ZNF148: variants seen among roughly 807,000 people sequenced by gnomAD.
ZNF148 encodes zinc finger protein 148, also known as Beta-Enolase Repressor Factor-1.
In ZNF148, 7 loss-of-function variants were observed where a neutral mutation model predicts 67.7. The ratio of observed to expected loss-of-function variants is 0.10; its 90% CI spans 0.06 to 0.19. ZNF148 has a LOEUF of 0.19. Ranked by LOEUF, ZNF148 falls within the 10% of genes least tolerant of loss-of-function variation. ZNF148 has a pLI of 1.00. For missense variants in ZNF148, 583 were observed against 947.1 expected, an observed-to-expected ratio of 0.62 and a Z score of 5.05; for synonymous variants, 333 against 330.7, an observed-to-expected ratio of 1.01 and a Z score of -0.08.
chr3:125,268,930 T>C (rs1459290027), intron 7 of ZNF148, among the ~76,000 whole-genome samples: 1 of 151,954 alleles, frequency 6.6e-6, no homozygotes, highest in East Asian at 1.9e-4. Context: ...TGGGAGAAAA[T>C]ATTCACAAAC....
intron 4 of ZNF148, among the ~76,000 whole-genome samples, chr3:125,311,597 A>G (rs1940217170): frequency 6.6e-6 from 1 of 152,172 alleles, no homozygotes; most frequent in Admixed American, 6.5e-5. Flanking sequence ...AATCAAATGT[A>G]CATCAATTAC....
In ZNF148 at chr3:125,272,655, A is replaced by C. The variant is rs149960895; in HGVS notation, c.667+5071T>G. Reference sequence around the variant, plus strand: ...TATATATTTAATTACACCATACTTTAATTATATACATATATACACACATAT... The same window carrying C: ...TATATATTTAATTACACCATACTTTCATTATATACATATATACACACATAT... On this transcript the variant is annotated intron_variant, in intron 7 of 8. Transcript: ENST00000360647. Among the ~76,000 whole-genome samples, 690 of 152,256 alleles carry C rather than the reference A, an allele frequency of 4.5e-3. 13 individuals are homozygous for C. The East Asian group carries it at 0.047, about 10-fold the overall frequency.
At chr3:125,353,259 C>T (rs975469918) in intron 1 of ZNF148, among the ~76,000 whole-genome samples, 1 of 151,850 alleles carries the variant, frequency 6.6e-6, no homozygotes, top group Non-Finnish European at 1.5e-5. Context: ...AGATAGTAAA[C>T]AGTTTGCCAG....
chr3:125,344,993 C>T (rs763351687), intron 1 of ZNF148, among the ~76,000 whole-genome samples: 1 of 151,970 alleles, frequency 6.6e-6, no homozygotes, highest in Non-Finnish European at 1.5e-5. Flanking sequence ...GTTAAAAGCA[C>T]AAGAATGGAA....
chr3:125,250,154 G>A (rs143614479), intron 7 of ZNF148, among the ~76,000 whole-genome samples: 167 of 152,246 alleles, frequency 1.1e-3, no homozygotes, highest in African/African-American at 3.6e-3. Flanking sequence ...AATCTTAAGC[G>A]TTCTCACCAC....
Position 125,279,059 on chromosome 3 carries a change from C to T in ZNF148, c.583+65G>A, listed in dbSNP as rs138674561. 1.4e-4 allele frequency: 200 copies of T among 1,468,216 alleles called. No individual in the cohort carries two copies. The African/African-American group carries it at 2.2e-3, about 16-fold the overall frequency. 90.9% of individuals were successfully genotyped at this position (1,468,216 alleles called of 1,614,324 possible). On this transcript the variant is annotated intron_variant, in intron 6 of 8. Coordinates refer to ENST00000360647, the MANE Select transcript of ZNF148 (RefSeq NM_021964.3). Reference sequence around the variant, plus strand: ...GTCTTAGGAATGAATGACAGTTACACGAAGATGAAAATAACAAAGATAATA... The same window carrying T: ...GTCTTAGGAATGAATGACAGTTACATGAAGATGAAAATAACAAAGATAATA...
At chr3:125,268,627 C>T (rs896067416) in intron 7 of ZNF148, among the ~76,000 whole-genome samples, 1 of 152,138 alleles carries the variant, frequency 6.6e-6, no homozygotes, top group African/African-American at 2.4e-5. Context: ...AGGAAATACC[C>T]TTCCAGACAT....
chr3:125,339,189 C>G (rs773107326), intron 1 of ZNF148, among the ~76,000 whole-genome samples: 9 of 152,108 alleles, frequency 5.9e-5, no homozygotes, highest in African/African-American at 1.4e-4. Flanking sequence ...GAAACACTAG[C>G]TTCTATTAAT....
At chr3:125,342,170 T>C (rs1276157456) in intron 1 of ZNF148, among the ~76,000 whole-genome samples, 2 of 150,380 alleles carry the variant, frequency 1.3e-5, no homozygotes, top group African/African-American at 2.4e-5. Context: ...CAAAGTTTCA[T>C]AAAGAAGGAA....
At chr3:125,293,071 T>A (rs1939099382) in intron 4 of ZNF148, among the ~76,000 whole-genome samples, 1 of 152,218 alleles carries the variant, frequency 6.6e-6, no homozygotes, top group Non-Finnish European at 1.5e-5. Flanking sequence ...GTAGTAAGTT[T>A]TATTGTGACA....
chr3:125,289,272 A>T (rs1938876163), intron 4 of ZNF148, among the ~76,000 whole-genome samples: 1 of 152,232 alleles, frequency 6.6e-6, no homozygotes. Flanking sequence ...GTAAAGGTGG[A>T]AAACAGCTAT....
intron 4 of ZNF148, among the ~76,000 whole-genome samples, chr3:125,306,078 T>C (rs915544980): frequency 1.3e-5 from 2 of 152,234 alleles, no homozygotes; most frequent in East Asian, 3.8e-4. Context: ...AAAACACTTC[T>C]AATTAACTCA....
chr3:125,340,282 A>C (rs1289906642), intron 1 of ZNF148, among the ~76,000 whole-genome samples: 1 of 152,220 alleles, frequency 6.6e-6, no homozygotes, highest in East Asian at 1.9e-4. Flanking sequence ...CATCAGGAGA[A>C]GGAGATCAAC....
intron 7 of ZNF148, among the ~76,000 whole-genome samples, chr3:125,256,979 T>G (rs528422921): frequency 1.5e-4 from 23 of 151,542 alleles, no homozygotes; most frequent in East Asian, 1.2e-3. Context: ...TTTTTTTTTT[T>G]TTTTTTTTTT....
intron 7 of ZNF148, among the ~76,000 whole-genome samples, chr3:125,235,281 A>C (rs1014657731): frequency 1.3e-5 from 2 of 152,190 alleles, no homozygotes; most frequent in Admixed American, 1.3e-4. Flanking sequence ...AATTGGGAAA[A>C]CAAGATACAC....
At chr3:125,249,523 T>G (rs1294977492) in intron 7 of ZNF148, among the ~76,000 whole-genome samples, 1 of 151,942 alleles carries the variant, frequency 6.6e-6, no homozygotes, top group Non-Finnish European at 1.5e-5. Context: ...TGATAACAAG[T>G]GTTGGTGAAG....
chr3:125,348,719 A>G (rs1187134413), intron 1 of ZNF148, among the ~76,000 whole-genome samples: 1 of 152,222 alleles, frequency 6.6e-6, no homozygotes, highest in Non-Finnish European at 1.5e-5. Flanking sequence ...GAAAACCCCA[A>G]TGGCATTTTT....
In ZNF148 at chr3:125,317,690, C is replaced by T. The variant is rs186381695; in HGVS notation, c.-16-4034G>A. On this transcript the variant is annotated intron_variant, in intron 3 of 8. Coordinates refer to ENST00000360647, the MANE Select transcript of ZNF148 (RefSeq NM_021964.3). ...AGAGAGAGAGAGAGAAATACATATA[C>T]ACACACACATATATATATATATATT... Among the ~76,000 whole-genome samples, 28 of 41,160 alleles carry T rather than the reference C, an allele frequency of 6.8e-4. 1 individual carries two copies. In the East Asian group the frequency reaches 9.5e-3, roughly 14 times the overall value. 27.0% of individuals were successfully genotyped at this position (41,160 alleles called of 152,430 possible).
At chr3:125,285,302 T>A (rs907947344) in intron 5 of ZNF148, among the ~76,000 whole-genome samples, 2 of 152,222 alleles carry the variant, frequency 1.3e-5, no homozygotes, top group Non-Finnish European at 2.9e-5. Context: ...GGTAAGTTTC[T>A]CTTTCTCTTC....
Sources: gnomAD v4.1 joint callset for allele counts (sites outside exome capture counted in the v4.1 genomes callset) on GRCh38, gnomAD v4.1.1 for gene constraint, MANE v1.5 for transcripts, NCBI Gene and HGNC (gene_info 2026-07-23, HGNC 2026-07-21) for gene names.